PDE4D: variants seen among roughly 807,000 people sequenced by gnomAD.
PDE4D encodes phosphodiesterase 4D, also known as 3',5'-cyclic-AMP phosphodiesterase 4D.
PDE4D carries 24 observed loss-of-function variants against 87.4 expected under a neutral mutation model. The observed-to-expected ratio is 0.27, with a 90% CI of 0.20 to 0.39. PDE4D has a LOEUF of 0.39. PDE4D is among the 10% of genes least tolerant of loss of function. PDE4D has a pLI of 1.00. For synonymous variants in PDE4D, 384 were observed against 383.2 expected, an observed-to-expected ratio of 1.00 and a Z score of -0.02; for missense variants, 714 against 1,041.0, an observed-to-expected ratio of 0.69 and a Z score of 4.32.
chr5:59,702,236 G>T (rs1475592264), intron 1 of PDE4D, among the ~76,000 whole-genome samples: 1 of 152,032 alleles, frequency 6.6e-6, no homozygotes, highest in Non-Finnish European at 1.5e-5. Context: ...TCATTCTCCT[G>T]CCTCAGCCTC....
chr5:59,346,434 T>TA (rs1464417637), intron 1 of PDE4D, among the ~76,000 whole-genome samples: 1 of 149,036 alleles, frequency 6.7e-6, no homozygotes. Flanking sequence ...ACTGCGAGAC[T>TA]TTTTTTTTTA....
chr5:59,416,943 T>C (rs563750551), intron 1 of PDE4D, among the ~76,000 whole-genome samples: 1 of 152,292 alleles, frequency 6.6e-6, no homozygotes, highest in East Asian at 1.9e-4. Context: ...ATATATTTTA[T>C]ATAATTCTGT....
intron 1 of PDE4D, among the ~76,000 whole-genome samples, chr5:59,891,431 C>G (rs1026077965): frequency 1.3e-5 from 2 of 152,186 alleles, no homozygotes; most frequent in African/African-American, 4.8e-5. Flanking sequence ...TACAAAGTAT[C>G]AGGCTTGCCT....
intron 1 of PDE4D, among the ~76,000 whole-genome samples, chr5:59,702,645 G>C (rs574464977): frequency 6.6e-6 from 1 of 152,108 alleles, no homozygotes; most frequent in East Asian, 2.0e-4. Flanking sequence ...AAGGCAGGAA[G>C]ATGGCTTGAG....
chr5:59,411,589 TG>T (rs1792691387), intron 1 of PDE4D, among the ~76,000 whole-genome samples: 1 of 152,220 alleles, frequency 6.6e-6, no homozygotes, highest in Non-Finnish European at 1.5e-5. Flanking sequence ...TGTGTTTACA[TG>T]GTTGTCTCTG....
At chr5:59,570,629 C>G (rs1821672881) in intron 1 of PDE4D, among the ~76,000 whole-genome samples, 2 of 133,794 alleles carry the variant, frequency 1.5e-5, no homozygotes, top group South Asian at 5.6e-4. Flanking sequence ...CAGGAGTATA[C>G]AATGTTGACA....
intron 1 of PDE4D, among the ~76,000 whole-genome samples, chr5:59,615,040 G>C (rs1829484795): frequency 6.6e-6 from 1 of 152,074 alleles, no homozygotes; most frequent in Non-Finnish European, 1.5e-5. Flanking sequence ...ATGTTGCTCA[G>C]GCTGGTCTCA....
At chr5:59,091,369 T>G (rs1488220921) in intron 5 of PDE4D, among the ~76,000 whole-genome samples, 2 of 151,372 alleles carry the variant, frequency 1.3e-5, no homozygotes, top group Non-Finnish European at 2.9e-5. Context: ...ATTTCCAAAC[T>G]GGATATGTTC....
chr5:59,450,306 GTTAT>G (rs1446475323), intron 1 of PDE4D, among the ~76,000 whole-genome samples: 1 of 152,188 alleles, frequency 6.6e-6, no homozygotes, highest in Non-Finnish European at 1.5e-5. Context: ...GATGGAATGT[GTTAT>G]TTAAGATTTT....
chr5:60,176,597 T>TTA (rs1310215579), intron 2 of PDE4D, among the ~76,000 whole-genome samples: 1 of 152,176 alleles, frequency 6.6e-6, no homozygotes, highest in Non-Finnish European at 1.5e-5. Context: ...AATATTTTTA[T>TTA]TAGAATGGGG....
intron 3 of PDE4D, among the ~76,000 whole-genome samples, chr5:59,943,553 T>G (rs898387111): frequency 1.3e-5 from 2 of 152,202 alleles, no homozygotes; most frequent in Admixed American, 1.3e-4. Context: ...CTCAGTACCA[T>G]TTGTAGCCAT....
intron 1 of PDE4D, among the ~76,000 whole-genome samples, chr5:60,348,367 T>C (rs1758903476): frequency 6.6e-6 from 1 of 152,114 alleles, no homozygotes; most frequent in African/African-American, 2.4e-5. Context: ...AAACATGGAT[T>C]TATGGATTGC....
intron 3 of PDE4D, among the ~76,000 whole-genome samples, chr5:59,190,358 T>C (rs1486376325): frequency 6.6e-6 from 1 of 152,180 alleles, no homozygotes; most frequent in Non-Finnish European, 1.5e-5. Flanking sequence ...TTCTAAACTT[T>C]TATGCAAAAA....
intron 1 of PDE4D, among the ~76,000 whole-genome samples, chr5:60,419,003 AAAC>A (rs1561231619): frequency 6.6e-6 from 1 of 152,206 alleles, no homozygotes; most frequent in Non-Finnish European, 1.5e-5. Context: ...ACTGCAGGTA[AAAC>A]AAAAAAGTCA....
At chr5:59,217,214 T>C (rs908375683) in intron 1 of PDE4D, 31 of 455,742 alleles carry the variant, frequency 6.8e-5, no homozygotes, top group Non-Finnish European at 1.2e-4. Context: ...GAGAGGAGGG[T>C]GATAGCTTAT....
chr5:60,087,626 T>C (rs1774675363), intron 2 of PDE4D, among the ~76,000 whole-genome samples: 1 of 151,778 alleles, frequency 6.6e-6, no homozygotes, highest in Non-Finnish European at 1.5e-5. Flanking sequence ...ATAGAAAGCT[T>C]CAATAGCAGA....
At chr5:60,168,845 AG>A (rs1783161894) in intron 2 of PDE4D, among the ~76,000 whole-genome samples, 1 of 152,202 alleles carries the variant, frequency 6.6e-6, no homozygotes, top group Admixed American at 6.5e-5. Flanking sequence ...CATGAATATG[AG>A]GGCTGATTGT....
intron 1 of PDE4D, among the ~76,000 whole-genome samples, chr5:60,214,601 A>G (rs185498735): frequency 1.4e-4 from 22 of 152,306 alleles, no homozygotes; most frequent in Admixed American, 1.3e-3. Flanking sequence ...GGGCAGAATT[A>G]GAAACTGCAA....
intron 1 of PDE4D, among the ~76,000 whole-genome samples, chr5:60,258,221 C>T (rs1749301419): frequency 6.6e-6 from 1 of 151,840 alleles, no homozygotes; most frequent in African/African-American, 2.4e-5. Flanking sequence ...ATCAGCAATG[C>T]AGTGGTGTGT....
Sources: gnomAD v4.1 joint callset for allele counts (sites outside exome capture counted in the v4.1 genomes callset) on GRCh38, gnomAD v4.1.1 for gene constraint, MANE v1.5 for transcripts, NCBI Gene and HGNC (gene_info 2026-07-23, HGNC 2026-07-21) for gene names.